Variants in FMN1 observed in about 807,000 individuals in gnomAD.
The protein encoded by FMN1 is formin 1.
A neutral mutation model predicts 132.4 loss-of-function variants in FMN1; 110 were observed. The ratio of observed to expected loss-of-function variants is 0.83; its 90% CI spans 0.71 to 0.97. The LOEUF (loss-of-function observed/expected upper bound fraction) is 0.97. FMN1 is among the 50% of genes least tolerant of loss of function. FMN1 has a pLI of 0.00. For missense variants in FMN1, 1,792 were observed against 1,705.3 expected, an observed-to-expected ratio of 1.05 and a Z score of -0.90; for synonymous variants, 722 against 651.7, an observed-to-expected ratio of 1.11 and a Z score of -1.64.
At chr15:33,011,012 A>G (rs115482374) in intron 6 of FMN1, among the ~76,000 whole-genome samples, 1 of 128,262 alleles carries the variant, frequency 7.8e-6, no homozygotes, top group African/African-American at 2.8e-5. Flanking sequence ...TCAAAATTTG[A>G]GTTTTGTTTT....
chr15:33,185,344 G>C (rs1965843587), intron 2 of FMN1, among the ~76,000 whole-genome samples: 1 of 151,890 alleles, frequency 6.6e-6, no homozygotes, highest in South Asian at 2.1e-4. Flanking sequence ...AATAATTCAA[G>C]GAATCTATTG....
chr15:32,867,348 T>C (rs2059414285), intron 16 of FMN1, among the ~76,000 whole-genome samples: 1 of 152,208 alleles, frequency 6.6e-6, no homozygotes, highest in Admixed American at 6.5e-5. Context: ...AGCCTCACCC[T>C]GCTCTCCCTG....
intron 6 of FMN1, among the ~76,000 whole-genome samples, chr15:33,047,639 T>C (rs2036749565): frequency 6.6e-6 from 1 of 152,186 alleles, no homozygotes; most frequent in Admixed American, 6.5e-5. Context: ...TTGCATGGTG[T>C]TAGCTGATGA....
At chr15:32,841,457 TAAAC>T (rs1233767018) in intron 17 of FMN1, among the ~76,000 whole-genome samples, 5 of 152,246 alleles carry the variant, frequency 3.3e-5, no homozygotes, top group Non-Finnish European at 7.3e-5. Flanking sequence ...CATTGGTAGA[TAAAC>T]TAATTGAAAA....
intron 10 of FMN1, among the ~76,000 whole-genome samples, chr15:32,919,168 T>C (rs538944131): frequency 6.6e-6 from 1 of 151,910 alleles, no homozygotes; most frequent in African/African-American, 2.4e-5. Flanking sequence ...GGGGGGGGTA[T>C]TAAATGAAGT....
intron 16 of FMN1, among the ~76,000 whole-genome samples, chr15:32,879,697 T>C (rs1596159573): frequency 6.6e-6 from 1 of 152,094 alleles, no homozygotes; most frequent in African/African-American, 2.4e-5. Context: ...TCACAGAGGC[T>C]AAGTGATGTG....
At chr15:32,833,291 G>GT (rs2058546814) in intron 17 of FMN1, among the ~76,000 whole-genome samples, 1 of 152,168 alleles carries the variant, frequency 6.6e-6, no homozygotes, top group African/African-American at 2.4e-5. Flanking sequence ...TTCAATTAGT[G>GT]TAACTGATAG....
intron 4 of FMN1, among the ~76,000 whole-genome samples, chr15:33,090,890 T>C (rs191363002): frequency 6.6e-6 from 1 of 152,290 alleles, no homozygotes; most frequent in Non-Finnish European, 1.5e-5. Context: ...CAGACCTCCT[T>C]TGACTTCTAT....
intron 16 of FMN1, among the ~76,000 whole-genome samples, chr15:32,884,439 C>T (rs929886813): frequency 4.6e-5 from 7 of 152,138 alleles, no homozygotes; most frequent in African/African-American, 1.4e-4. Flanking sequence ...AAGTCCTCAG[C>T]GTTTAAAGAC....
chr15:33,100,878 A>G (rs933727436), intron 4 of FMN1, among the ~76,000 whole-genome samples: 10 of 152,236 alleles, frequency 6.6e-5, no homozygotes, highest in African/African-American at 2.4e-4. Flanking sequence ...GGAATATTAT[A>G]TAATTATTTA....
At chr15:32,859,602 C>G (rs969588040) in intron 16 of FMN1, among the ~76,000 whole-genome samples, 1 of 152,156 alleles carries the variant, frequency 6.6e-6, no homozygotes, top group African/African-American at 2.4e-5. Flanking sequence ...TATCTATCAC[C>G]GTCTGCACAG....
At chr15:32,866,502 G>A (rs146056520) in intron 16 of FMN1, among the ~76,000 whole-genome samples, 2,351 of 152,136 alleles carry the variant, frequency 0.015, 55 homozygotes, top group African/African-American at 0.054. Context: ...TACTGTACGC[G>A]GCTTTATTCT....
At chr15:33,068,138 C>T in intron 5 of FMN1, 18 of 697,776 alleles carry the variant, frequency 2.6e-5, no homozygotes, top group Non-Finnish European at 3.3e-5. Flanking sequence ...CGAGGCTGCG[C>T]ACCTTACTAC....
At chr15:33,010,017 G>A (rs2140953756) in intron 6 of FMN1, among the ~76,000 whole-genome samples, 1 of 152,274 alleles carries the variant, frequency 6.6e-6, no homozygotes, top group Middle Eastern at 3.4e-3. Context: ...CTCCAGAGTA[G>A]CTGGGATTAC....
rs751033601 is a variant in FMN1 at position 32,968,914 on chromosome 15, T to C, written c.2787A>G (p.Pro929=). Reference sequence around the variant, plus strand: ...TGGGTGGGGCAGGGGAGTTAGGAAGTGGGGGTGGGGGTGGGGGTGGTGGAG... The same window carrying C: ...TGGGTGGGGCAGGGGAGTTAGGAAGCGGGGGTGGGGGTGGGGGTGGTGGAG... ...AGPPPPPPPP[P]LPNSPAPPNP... Residue 929 remains proline (P), a synonymous_variant, in exon 8 of 21, where the codon CCA becomes CCG. Coordinates refer to ENST00000616417, the MANE Select transcript of FMN1 (RefSeq NM_001277313.2). The C allele has an allele frequency of 1.7e-3, 106 of 63,320 alleles. No individual in the cohort carries two copies. The highest frequency in any genetic ancestry group is 5.9e-3 in the Admixed American group (13 of 2,222). 3.9% of individuals were successfully genotyped at this position (63,320 alleles called of 1,614,324 possible).
chr15:33,177,989 C>T (rs754052645), intron 3 of FMN1, among the ~76,000 whole-genome samples: 4 of 151,906 alleles, frequency 2.6e-5, no homozygotes, highest in East Asian at 3.9e-4. Flanking sequence ...GCGTGGGCAA[C>T]GAGAGCGAAA....
intron 17 of FMN1, among the ~76,000 whole-genome samples, chr15:32,806,029 A>G (rs541249241): frequency 6.6e-6 from 1 of 152,328 alleles, no homozygotes; most frequent in Non-Finnish European, 1.5e-5. Flanking sequence ...ATTATTATAT[A>G]TGAAAATACC....
At chr15:33,170,988 T>C (rs77545835) in intron 3 of FMN1, among the ~76,000 whole-genome samples, 3 of 152,264 alleles carry the variant, frequency 2.0e-5, no homozygotes, top group African/African-American at 7.2e-5. Context: ...CCTGTGTGTA[T>C]AAACGGATGA....
chr15:33,121,278 G>T (rs1962528917), intron 4 of FMN1, among the ~76,000 whole-genome samples: 1 of 152,208 alleles, frequency 6.6e-6, no homozygotes, highest in Non-Finnish European at 1.5e-5. Flanking sequence ...CTGATTCTGA[G>T]TTTCAATACC....
Sources: gnomAD v4.1 joint callset for allele counts (sites outside exome capture counted in the v4.1 genomes callset) on GRCh38, gnomAD v4.1.1 for gene constraint, MANE v1.5 for transcripts, NCBI Gene and HGNC (gene_info 2026-07-23, HGNC 2026-07-21) for gene names.